Variants in CEP97 observed in about 807,000 individuals in gnomAD.
CEP97 encodes the protein centrosomal protein 97.
CEP97 carries 43 observed loss-of-function variants against 73.1 expected under a neutral mutation model. That is an observed-to-expected ratio of 0.59 (90% CI 0.46 to 0.76). CEP97 has a LOEUF of 0.76. Ranked by LOEUF, CEP97 falls within the 30% of genes least tolerant of loss-of-function variation. The pLI, the probability that CEP97 is intolerant of heterozygous loss-of-function variation, is 0.00. For missense variants in CEP97, 939 were observed against 1,014.0 expected (o/e 0.93, Z 1.00); for synonymous variants, 337 against 370.0 (o/e 0.91, Z 1.02).
At chr3:101,757,281 T>C (rs1576697797) in intron 8 of CEP97, 85 bp downstream of exon 8, 1 of 1,468,000 alleles carries the variant, frequency 6.8e-7, no homozygotes, top group African/African-American at 1.4e-5. Context: ...GTGCATATTT[T>C]CATAATTTTT....
rs144655262 is a variant in CEP97 at position 101,725,730 on chromosome 3, G to C, written c.44-864G>C. Among the ~76,000 whole-genome samples, 1,374 of 152,202 alleles carry C rather than the reference G, an allele frequency of 9.0e-3. 65 individuals carry two copies. The South Asian group carries it at 0.12, about 13-fold the overall frequency. ...TCTGGGTGTAAATTTGAAATTGGCC[G>C]TTTCTCTGGCCCCGCCCTCTTTGGA... On this transcript the variant is annotated intron_variant, in intron 1 of 10. Transcript: ENST00000341893.
At chr3:101,755,732 T>C (rs1362420947) in intron 7 of CEP97, 138 bp downstream of exon 7, 1 of 786,462 alleles carries the variant, frequency 1.3e-6, no homozygotes, top group African/African-American at 1.7e-5. Flanking sequence ...ACTGCAACAG[T>C]TCCTGCAGGG....
intron 6 of CEP97, among the ~76,000 whole-genome samples, chr3:101,747,453 GT>G (rs1938657565): frequency 1.3e-5 from 2 of 151,672 alleles, no homozygotes; most frequent in Admixed American, 6.6e-5. Flanking sequence ...TAGAGATGGG[GT>G]TTCACTGTGT....
intron 10 of CEP97, chr3:101,763,065 C>A: frequency 1.6e-6 from 2 of 1,231,960 alleles, no homozygotes; most frequent in African/African-American, 1.6e-5. Context: ...ATGATAATTT[C>A]TTGAAAATAT....
intron 6 of CEP97, among the ~76,000 whole-genome samples, chr3:101,746,826 T>G (rs1938632207): frequency 6.7e-6 from 1 of 148,588 alleles, no homozygotes; most frequent in African/African-American, 2.5e-5. Flanking sequence ...TCAAACAAAT[T>G]TACAAGAAAA....
At chr3:101,725,079 T>A (rs538552149) in intron 1 of CEP97, among the ~76,000 whole-genome samples, 1 of 152,354 alleles carries the variant, frequency 6.6e-6, no homozygotes, top group Non-Finnish European at 1.5e-5. Flanking sequence ...GGGATCTCCC[T>A]CTTTCGCTTC....
intron 6 of CEP97, among the ~76,000 whole-genome samples, chr3:101,735,579 C>G (rs991036878): frequency 6.6e-6 from 1 of 152,122 alleles, no homozygotes; most frequent in Non-Finnish European, 1.5e-5. Flanking sequence ...TTGCCTCACC[C>G]GGGAAGTGCA....
At chr3:101,729,971 AT>A in intron 4 of CEP97, among the ~76,000 whole-genome samples, 1 of 151,934 alleles carries the variant, frequency 6.6e-6, no homozygotes, top group Non-Finnish European at 1.5e-5. Context: ...CACCTGGCTA[AT>A]TTTTTGTATT....
At chr3:101,764,611 C>CAA (rs35660615) in intron 10 of CEP97, among the ~76,000 whole-genome samples, 13 of 96,476 alleles carry the variant, frequency 1.3e-4, no homozygotes, top group Non-Finnish European at 2.1e-4. Flanking sequence ...AACTCCATCT[C>CAA]AAAAAAAAAA....
In CEP97 at chr3:101,767,881, G is replaced by A. The variant is rs974987690; in HGVS notation, c.*2330G>A. On this transcript the variant is annotated 3_prime_UTR_variant, in exon 11 of 11. Transcript: ENST00000341893. ...ATTAGAGTGTAGGAAAACTGGCATA[G>A]AGTTAATATATTTTAATGGGTTTAC... The A allele has an allele frequency of 2.6e-5, 4 of 152,226 alleles. No individual in the cohort carries two copies. The South Asian group carries it at 8.3e-4, about 32-fold the overall frequency. 9.4% of individuals were successfully genotyped at this position (152,226 alleles called of 1,614,324 possible).
At chr3:101,727,578 C>T (rs774053681) in intron 3 of CEP97, 37 bp downstream of exon 3, 63 of 1,515,452 alleles carry the variant, frequency 4.2e-5, no homozygotes, top group Middle Eastern at 3.5e-4. Flanking sequence ...AACTATTCTG[C>T]GTAAAAAAAA....
In CEP97 at chr3:101,768,845, G is replaced by A. The variant is rs1939384307; in HGVS notation, c.*3294G>A. 2 of 152,176 alleles carry A rather than the reference G, an allele frequency of 1.3e-5. No individual in the cohort carries two copies. Among genetic ancestry groups the A allele is most frequent in the South Asian group, 4.1e-4 (2 of 4,834 alleles). The allele number at this position is 152,176 out of a possible 1,614,324, so 9.4% of individuals were successfully genotyped here. On this transcript the variant is annotated 3_prime_UTR_variant, in exon 11 of 11. Coordinates refer to ENST00000341893, the MANE Select transcript of CEP97 (RefSeq NM_024548.4). The stretch of plus-strand genomic sequence containing the variant: ...ATGTTAAAATGTTAACTCTCCTGGT[G>A]TGCAGAAAGCTGTAATCATGACAGT...
At position 101,766,037 on chromosome 3, in the gene CEP97, G is replaced by A. The variant is rs1364054466; in HGVS notation, c.*486G>A. ...ATTGAAATTTGCCAGTCTCCCTGGT[G>A]TAAAATGTTTTTTTAAAGCCTTTTT... is the stretch of plus-strand genomic sequence containing the variant. On this transcript the variant is annotated 3_prime_UTR_variant, in exon 11 of 11. Coordinates refer to ENST00000341893, the MANE Select transcript of CEP97 (RefSeq NM_024548.4). 6.6e-6 allele frequency: 1 copy of A among 152,168 alleles called. No individual in the cohort carries two copies. Among genetic ancestry groups the A allele is most frequent in the Non-Finnish European group, 1.5e-5 (1 of 68,038 alleles). 9.4% of individuals were successfully genotyped at this position (152,168 alleles called of 1,614,324 possible).
intron 6 of CEP97, among the ~76,000 whole-genome samples, chr3:101,736,791 C>T (rs939005848): frequency 7.3e-4 from 111 of 152,302 alleles, no homozygotes; most frequent in African/African-American, 2.6e-3. Flanking sequence ...GCTTCTTCTC[C>T]CGCAAAGGAT....
chr3:101,758,146 G>T lies in CEP97; in HGVS notation c.1540G>T (p.Asp514Tyr). ...FPESTEQKQS[D>Y]IKKPENTQPE... Reference sequence around the variant, plus strand: ...TGAGTCAACTGAGCAGAAACAATCAGACATAAAGAAACCAGAAAATACACA... The same window carrying T: ...TGAGTCAACTGAGCAGAAACAATCATACATAAAGAAACCAGAAAATACACA... Residue 514 changes from aspartate (D) to tyrosine (Y), a missense_variant, in exon 9 of 11, where the codon GAC becomes TAC. Asp to Tyr is a radical substitution (Grantham distance 160). Transcript: ENST00000341893. 1 of 1,613,932 alleles carries T rather than the reference G, an allele frequency of 6.2e-7. No homozygotes were observed.
rs899358038 is a variant in CEP97 at position 101,767,476 on chromosome 3, A to G, written c.*1925A>G. The G allele has an allele frequency of 6.6e-6, 1 of 152,232 alleles. No individual in the cohort carries two copies. The highest frequency in any genetic ancestry group is 6.5e-5 in the Admixed American group (1 of 15,280). 9.4% of individuals were successfully genotyped at this position (152,232 alleles called of 1,614,324 possible). A position where few individuals can be genotyped will look rare whatever the true frequency, so the allele number is the denominator to read the frequency against. On this transcript the variant is annotated 3_prime_UTR_variant, in exon 11 of 11. Transcript: ENST00000341893. ...AAAAACCAATTTCCACTGCACTAGT[A>G]CCAAAATACTACTTTATACATTAGT...
chr3:101,749,118 A>G (rs955489872), intron 6 of CEP97, among the ~76,000 whole-genome samples: 2 of 146,410 alleles, frequency 1.4e-5, no homozygotes, highest in African/African-American at 2.5e-5. Flanking sequence ...AGCATTAGGT[A>G]TATCTCCTAA....
chr3:101,758,709 G>C, intron 9 of CEP97: 1 of 305,440 alleles, frequency 3.3e-6, no homozygotes, highest in Non-Finnish European at 6.1e-6. Context: ...TCTAAACATA[G>C]AAAGGTACAG....
intron 6 of CEP97, among the ~76,000 whole-genome samples, chr3:101,747,516 C>T (rs1408756400): frequency 6.6e-6 from 1 of 151,420 alleles, no homozygotes; most frequent in Non-Finnish European, 1.5e-5. Flanking sequence ...ACCTCAGCCT[C>T]CCAAAGTTTT....
Sources: gnomAD v4.1 joint callset for allele counts (sites outside exome capture counted in the v4.1 genomes callset) on GRCh38, gnomAD v4.1.1 for gene constraint, MANE v1.5 for transcripts, NCBI Gene and HGNC (gene_info 2026-07-23, HGNC 2026-07-21) for gene names.